PRPS2: variants seen among roughly 807,000 people sequenced by gnomAD.
The protein encoded by PRPS2 is phosphoribosyl pyrophosphate synthetase 2, also known as ribose-phosphate pyrophosphokinase 2.
For synonymous variants in PRPS2, 111 were observed against 115.3 expected (o/e 0.96, Z 0.24); for missense variants, 104 against 271.5 (o/e 0.38, Z 4.34).
At chrX:12,794,968 A>G (rs1317825694) in intron 1 of PRPS2, among the ~76,000 whole-genome samples, 1 of 111,883 alleles carries the variant, frequency 8.9e-6, no homozygotes, top group African/African-American at 3.3e-5. Flanking sequence ...AAGTTACGGT[A>G]ATGTCTGTCA....
At chrX:12,811,349 G>T (rs2042623170) in intron 4 of PRPS2, among the ~76,000 whole-genome samples, 1 of 112,108 alleles carries the variant, frequency 8.9e-6, no homozygotes, top group African/African-American at 3.2e-5. Flanking sequence ...GTACTAAGTA[G>T]CACCTCTGAA....
At chrX:12,814,089 T>C (rs1415431307) in intron 4 of PRPS2, among the ~76,000 whole-genome samples, 4 of 102,274 alleles carry the variant, frequency 3.9e-5, no homozygotes, top group African/African-American at 1.5e-4. Flanking sequence ...TACTGTCTAG[T>C]TTTTCCAAAA....
rs917580 is a variant in PRPS2 at position 12,820,815 on chromosome X, A to C, written c.864+12A>C. ...GCACCAAGATTCAGGTACTGTCTAT[A>C]CACCAAAGGCAGCCAAGCAGCCAGG... is the stretch of plus-strand genomic sequence containing the variant. On this transcript the variant is annotated intron_variant, in intron 6 of 6. Coordinates refer to ENST00000380668, the MANE Select transcript of PRPS2 (RefSeq NM_002765.5). 14 of 1,208,058 alleles carry C rather than the reference A, an allele frequency of 1.2e-5. No homozygotes were observed. In the Admixed American group the frequency reaches 1.3e-4, roughly 11 times the overall value.
chrX:12,802,901 G>A (rs1371128810), intron 2 of PRPS2, among the ~76,000 whole-genome samples: 1 of 111,841 alleles, frequency 8.9e-6, no homozygotes, highest in Admixed American at 9.5e-5. Context: ...CATCAACCAC[G>A]CAGAGGCAGG....
rs1375259425 is a variant in PRPS2, at chrX:12,822,308, T to TG, written c.865-395dup. Among the ~76,000 whole-genome samples, 6 of 112,449 alleles carry TG rather than the reference T, an allele frequency of 5.3e-5. No homozygotes were observed. The East Asian group carries it at 1.7e-3, about 31-fold the overall frequency. ...TGGTCCTCTATAGTTTGCTGACCCC[T>TG]GAGTTAGATGATCACAGTTGTGCTC... On this transcript the variant is annotated intron_variant, in intron 6 of 6. Transcript: ENST00000380668.
chrX:12,805,059 A>G, intron 2 of PRPS2, among the ~76,000 whole-genome samples: 1 of 112,312 alleles, frequency 8.9e-6, no homozygotes. Context: ...CCCTGCACAT[A>G]TGTAACATTT....
chrX:12,815,125 A>G (rs753765814), intron 4 of PRPS2, among the ~76,000 whole-genome samples: 1 of 112,689 alleles, frequency 8.9e-6, no homozygotes, highest in African/African-American at 3.2e-5. Flanking sequence ...TAGCTTTTTC[A>G]GGAAATCATA....
At chrX:12,810,946 T>G (rs973429958) in intron 4 of PRPS2, among the ~76,000 whole-genome samples, 6 of 111,655 alleles carry the variant, frequency 5.4e-5, no homozygotes, top group African/African-American at 2.0e-4. Flanking sequence ...TACCTCGGCC[T>G]TTGGTTTAGG....
At chrX:12,794,292 G>A (rs1034071645) in intron 1 of PRPS2, among the ~76,000 whole-genome samples, 5 of 111,556 alleles carry the variant, frequency 4.5e-5, no homozygotes, top group African/African-American at 1.6e-4. Context: ...GCTTGGTTAG[G>A]AACCTCAGCT....
chrX:12,807,740 A>C (rs1302869973), intron 2 of PRPS2, among the ~76,000 whole-genome samples: 1 of 111,800 alleles, frequency 8.9e-6, no homozygotes, highest in Non-Finnish European at 1.9e-5. Context: ...AGTGGAGAAG[A>C]TTGAAAAAAT....
rs1602409337 is a variant in PRPS2, at chrX:12,799,241, G to A, written c.157G>A (p.Val53Ile). Residue 53 changes from valine (V) to isoleucine (I), a missense_variant, in exon 2 of 7, where the codon GTC (valine) becomes ATC (isoleucine). Physicochemically the swap from Val to Ile is conservative, Grantham distance 29. Transcript: ENST00000380668. ...EIGESVRGED[V>I]YIIQSGCGEI... The stretch of plus-strand genomic sequence containing the variant: ...TGGTGAAAGCGTGAGAGGGGAAGAT[G>A]TCTACATCATCCAGAGCGGCTGCGG... The A allele has an allele frequency of 1.7e-6, 2 of 1,211,572 alleles. No individual in the cohort carries two copies. Among genetic ancestry groups the A allele is most frequent in the East Asian group, 5.9e-5 (2 of 33,835 alleles).
chrX:12,821,486 G>T (rs963902539), intron 6 of PRPS2, among the ~76,000 whole-genome samples: 1 of 111,278 alleles, frequency 9.0e-6, no homozygotes, highest in Admixed American at 9.6e-5. Flanking sequence ...ATCATTTAAT[G>T]ACTATATAGT....
rs2042517165 is a variant in PRPS2, at chrX:12,791,441, T to A, written c.-57T>A. ...CAGCAGCCTCCCGCGTCGCTGTCGC[T>A]GTTGCCTCCGCCACCTCCTCCGCCG... On this transcript the variant is annotated 5_prime_UTR_variant, in exon 1 of 7. Coordinates refer to ENST00000380668, the MANE Select transcript of PRPS2 (RefSeq NM_002765.5). 1 of 1,169,113 alleles carries A rather than the reference T, an allele frequency of 8.6e-7. No individual in the cohort carries two copies. The highest frequency in any genetic ancestry group is 1.1e-6 in the Non-Finnish European group (1 of 872,513).
chrX:12,809,957 T>C, intron 3 of PRPS2, 65 bp from the exon 4 acceptor site: 2 of 1,089,498 alleles, frequency 1.8e-6, no homozygotes. Context: ...GATTATCGTT[T>C]AAAAAAACAA....
intron 4 of PRPS2, among the ~76,000 whole-genome samples, chrX:12,812,814 C>A (rs898141062): frequency 1.8e-5 from 2 of 111,460 alleles, no homozygotes; most frequent in African/African-American, 6.5e-5. Context: ...TACTTCCCCC[C>A]ACCTTATCCC....
chrX:12,809,322 C>G lies in PRPS2; in HGVS notation c.395C>G (p.Ser132Cys), dbSNP rs767621566. The change falls in exon 3 of 7, where the codon TCT (serine) becomes TGT (cysteine). Residue 132 changes from serine (S) to cysteine (C), a missense_variant. Transcript: ENST00000380668. ...ATCATCACCATGGACCTGCATGCTT[C>G]TCAGATACAGGTATCCGTGTTTTCC... Reference protein sequence around the residue: ...DHIITMDLHASQIQGFFDIPV... With the variant: ...DHIITMDLHACQIQGFFDIPV... 5.0e-6 allele frequency: 6 copies of G among 1,207,261 alleles called. No individual in the cohort carries two copies. The highest frequency in any genetic ancestry group is 5.6e-6 in the Non-Finnish European group (5 of 892,728).
At chrX:12,819,245 A>G (rs1303017210) in intron 4 of PRPS2, among the ~76,000 whole-genome samples, 10 of 112,576 alleles carry the variant, frequency 8.9e-5, no homozygotes, top group African/African-American at 3.2e-4. Flanking sequence ...CTGAATATCA[A>G]ATTCTTACCC....
rs1402750444 is a variant in PRPS2, at chrX:12,823,009, A to G, written c.*213A>G. 2.5e-6 allele frequency: 1 copy of G among 402,870 alleles called. No individual in the cohort carries two copies. The highest frequency in any genetic ancestry group is 2.5e-5 in the African/African-American group (1 of 39,658). The allele number at this position is 402,870 out of a possible 1,213,427, so 33.2% of individuals were successfully genotyped here. ...AAATGGTGGTGGTTATTTGGTCTTT[A>G]AGTGAACTGTCTTAAATGAGAAACG... is the stretch of plus-strand genomic sequence containing the variant. On this transcript the variant is annotated 3_prime_UTR_variant, in exon 7 of 7. Coordinates refer to ENST00000380668, the MANE Select transcript of PRPS2 (RefSeq NM_002765.5).
At chrX:12,822,099 G>T (rs1216790059) in intron 6 of PRPS2, among the ~76,000 whole-genome samples, 1 of 112,276 alleles carries the variant, frequency 8.9e-6, no homozygotes, top group African/African-American at 3.2e-5. Flanking sequence ...TTTAGGATGG[G>T]AGTTGGCACA....
Sources: gnomAD v4.1 joint callset for allele counts (sites outside exome capture counted in the v4.1 genomes callset) on GRCh38, gnomAD v4.1.1 for gene constraint, MANE v1.5 for transcripts, NCBI Gene and HGNC (gene_info 2026-07-23, HGNC 2026-07-21) for gene names.